Variants in SHISA6 observed in about 807,000 individuals in gnomAD.
SHISA6 encodes the protein shisa family member 6.
SHISA6 carries 22 observed loss-of-function variants against 47.9 expected under a neutral mutation model. That is an observed-to-expected ratio of 0.46 (90% confidence interval 0.33 to 0.66). The LOEUF (loss-of-function observed/expected upper bound fraction) is 0.66. Ranked by LOEUF, SHISA6 falls within the 30% of genes least tolerant of loss-of-function variation. SHISA6 has a pLI of 0.02. For missense variants in SHISA6, 680 were observed against 764.6 expected (o/e 0.89, Z 1.30); for synonymous variants, 388 against 337.8 (o/e 1.15, Z -1.63).
intron 3 of SHISA6, among the ~76,000 whole-genome samples, chr17:11,407,437 G>A (rs992387012): frequency 2.0e-5 from 3 of 152,000 alleles, no homozygotes; most frequent in Admixed American, 6.6e-5. Flanking sequence ...GAAGCAGAAT[G>A]GACCATCAGG....
At chr17:11,342,571 A>G (rs575647307) in intron 2 of SHISA6, among the ~76,000 whole-genome samples, 1 of 152,368 alleles carries the variant, frequency 6.6e-6, no homozygotes, top group African/African-American at 2.4e-5. Context: ...ATGCACTGAT[A>G]AAGTTTTTAA....
intron 2 of SHISA6, among the ~76,000 whole-genome samples, chr17:11,325,998 C>A (rs1567573615): frequency 6.6e-6 from 1 of 152,226 alleles, no homozygotes; most frequent in Non-Finnish European, 1.5e-5. Context: ...AGGCCGGGCA[C>A]AGTGGCTCAC....
At chr17:11,516,643 T>A (rs2071588293) in intron 3 of SHISA6, among the ~76,000 whole-genome samples, 1 of 152,040 alleles carries the variant, frequency 6.6e-6, no homozygotes, top group Admixed American at 6.6e-5. Context: ...GCTCAAGAAA[T>A]CCCTGAATGT....
chr17:11,276,621 TCCTCAC>T (rs1359822426), intron 2 of SHISA6, among the ~76,000 whole-genome samples: 1 of 151,612 alleles, frequency 6.6e-6, no homozygotes, highest in Non-Finnish European at 1.5e-5. Context: ...ACCATCATCA[TCCTCAC>T]CATCACCAAT....
At chr17:11,393,547 G>C (rs773107060) in intron 3 of SHISA6, among the ~76,000 whole-genome samples, 39 of 152,074 alleles carry the variant, frequency 2.6e-4, no homozygotes, top group Admixed American at 1.3e-4. Flanking sequence ...ATGTATTCCA[G>C]TGTAATCTTT....
intron 2 of SHISA6, among the ~76,000 whole-genome samples, chr17:11,356,196 C>G (rs1173693229): frequency 6.6e-6 from 1 of 152,196 alleles, no homozygotes; most frequent in Admixed American, 6.5e-5. Flanking sequence ...TCCCATCTTC[C>G]CTGTTGATGC....
At position 11,400,179 on chromosome 17, in the gene SHISA6, C is replaced by T. The variant is rs900369412; in HGVS notation, c.895+20670C>T. On this transcript the variant is annotated intron_variant, in intron 3 of 5. Coordinates refer to ENST00000441885, the MANE Select transcript of SHISA6 (RefSeq NM_207386.4). ...ACTTGCATGACTCTTGGGCATCTCTCTCAGCCCTGACCTTTTTGCTGAACT... is the reference window on the plus strand; with the variant it reads ...ACTTGCATGACTCTTGGGCATCTCTTTCAGCCCTGACCTTTTTGCTGAACT... 2.6e-5 allele frequency among the ~76,000 whole-genome samples: 4 copies of T among 152,158 alleles called. 1 individual carries two copies. Among genetic ancestry groups the T allele is most frequent in the Admixed American group, 2.6e-4 (4 of 15,276 alleles).
intron 2 of SHISA6, among the ~76,000 whole-genome samples, chr17:11,363,518 G>C (rs572099972): frequency 6.6e-6 from 1 of 152,060 alleles, no homozygotes; most frequent in African/African-American, 2.4e-5. Context: ...CAGTTCTGGC[G>C]GTCTCTGGAT....
At chr17:11,307,406 A>G (rs1198308628) in intron 2 of SHISA6, among the ~76,000 whole-genome samples, 1 of 152,184 alleles carries the variant, frequency 6.6e-6, no homozygotes, top group Non-Finnish European at 1.5e-5. Flanking sequence ...CCGTGTCTGC[A>G]TAGCCAAAGC....
At chr17:11,323,677 ATAAT>A (rs1454449551) in intron 2 of SHISA6, among the ~76,000 whole-genome samples, 12 of 139,034 alleles carry the variant, frequency 8.6e-5, no homozygotes, top group Non-Finnish European at 1.9e-4. Flanking sequence ...TAAAATAATA[ATAAT>A]AATAATAATA....
chr17:11,518,948 A>G (rs964236286), intron 3 of SHISA6, among the ~76,000 whole-genome samples: 2 of 151,960 alleles, frequency 1.3e-5, no homozygotes, highest in Non-Finnish European at 2.9e-5. Flanking sequence ...TTCCCTACCC[A>G]CCCATGGTCA....
chr17:11,409,703 C>CAAAAAAAAAAA (rs35351476), intron 3 of SHISA6, among the ~76,000 whole-genome samples: 1 of 82,168 alleles, frequency 1.2e-5, no homozygotes, highest in African/African-American at 4.1e-5. Flanking sequence ...GACTCCATCT[C>CAAAAAAAAAAA]AAAAAAAAAA....
intron 2 of SHISA6, among the ~76,000 whole-genome samples, chr17:11,341,815 T>C (rs910182409): frequency 1.3e-5 from 2 of 152,210 alleles, no homozygotes; most frequent in Non-Finnish European, 2.9e-5. Context: ...CTGTTGCCCA[T>C]AGACTGCACT....
At chr17:11,413,663 C>T (rs1188822433) in intron 3 of SHISA6, among the ~76,000 whole-genome samples, 3 of 152,130 alleles carry the variant, frequency 2.0e-5, no homozygotes, top group African/African-American at 7.2e-5. Context: ...CCACGTGCCT[C>T]TCATCACCCC....
At chr17:11,450,141 TC>T (rs977958430) in intron 3 of SHISA6, among the ~76,000 whole-genome samples, 1 of 151,818 alleles carries the variant, frequency 6.6e-6, no homozygotes, top group Non-Finnish European at 1.5e-5. Context: ...CGCCTCGGCC[TC>T]CCGAAGTGCT....
At chr17:11,479,174 G>T (rs1267607283) in intron 3 of SHISA6, among the ~76,000 whole-genome samples, 2 of 151,954 alleles carry the variant, frequency 1.3e-5, no homozygotes, top group Non-Finnish European at 2.9e-5. Context: ...AAAATAGTTT[G>T]ATGCAGTGAG....
intron 1 of SHISA6, among the ~76,000 whole-genome samples, chr17:11,252,905 G>T (rs1235967660): frequency 6.6e-6 from 1 of 152,200 alleles, no homozygotes. Flanking sequence ...AAACTTGCCT[G>T]AAGTTTCCCA....
intron 3 of SHISA6, among the ~76,000 whole-genome samples, chr17:11,477,585 G>A (rs1475535875): frequency 9.7e-6 from 1 of 102,796 alleles, no homozygotes. Context: ...CCACCCCACA[G>A]CAGTCCCCAG....
chr17:11,445,204 C>T (rs113722572), intron 3 of SHISA6, among the ~76,000 whole-genome samples: 7,771 of 152,074 alleles, frequency 0.051, 239 homozygotes, highest in Non-Finnish European at 0.076. Context: ...GAGCTCTTTT[C>T]GGCTTCTTTT....
Sources: allele counts gnomAD v4.1 joint callset (sites outside exome capture counted in the v4.1 genomes callset), GRCh38; gene constraint gnomAD v4.1.1; transcripts MANE v1.5; gene names NCBI Gene and HGNC (gene_info 2026-07-23, HGNC 2026-07-21).